Variants in RABL3 observed in about 807,000 individuals in gnomAD.
RABL3 encodes rab-like protein 3.
Under a neutral mutation model 31.8 loss-of-function variants are expected in RABL3, and 31 were observed. The ratio of observed to expected loss-of-function variants is 0.97; its 90% CI spans 0.73 to 1.31. The LOEUF (loss-of-function observed/expected upper bound fraction) is 1.31. Ranked by LOEUF, RABL3 falls within the 40% of genes most tolerant of loss-of-function variation. The pLI is 0.00. For synonymous variants in RABL3, 97 were observed against 99.9 expected (o/e 0.97, Z 0.18); for missense variants, 263 against 279.6 (o/e 0.94, Z 0.42).
intron 7 of RABL3, 87 bp from the exon 8 acceptor site, chr3:120,689,975 G>T: frequency 9.5e-7 from 1 of 1,053,378 alleles, no homozygotes; most frequent in Non-Finnish European, 1.4e-6. Context: ...TTCCATTTCT[G>T]TATGTCAGCC....
Position 120,706,015 on chromosome 3 carries a change from A to C in RABL3, c.368T>G (p.Val123Gly), listed in dbSNP as rs61758777. 119 of 1,609,672 alleles carry C rather than the reference A, an allele frequency of 7.4e-5. 1 individual carries two copies. The highest frequency in any genetic ancestry group is 1.0e-4 in the Admixed American group (6 of 59,990). The change falls in exon 4 of 8, where the codon GTC (valine) becomes GGC (glycine). Residue 123 changes from valine to glycine, a missense_variant. Physicochemically the swap from Val to Gly is moderately radical, Grantham distance 109. Transcript: ENST00000273375. ...ATTGGCTCACCCATTTGTCACCAAG[A>C]CTCCAGTTGGCACCAAATCCCTGTT... ...ALNRDLVPTGVLVTNGDYDQE... is the reference protein window; with the variant it reads ...ALNRDLVPTGGLVTNGDYDQE...
intron 1 of RABL3, among the ~76,000 whole-genome samples, chr3:120,731,099 G>A (rs531171063): frequency 6.9e-6 from 1 of 145,530 alleles, no homozygotes; most frequent in East Asian, 2.2e-4. Context: ...ACTGATACTG[G>A]TCCAGGGGTC....
At chr3:120,723,964 GAA>G in intron 2 of RABL3, among the ~76,000 whole-genome samples, 1 of 152,216 alleles carries the variant, frequency 6.6e-6, no homozygotes, top group East Asian at 1.9e-4. Context: ...TCAGGCAGGA[GAA>G]GGAAATAAAG....
At chr3:120,716,655 C>G (rs1708673688) in intron 2 of RABL3, among the ~76,000 whole-genome samples, 1 of 151,472 alleles carries the variant, frequency 6.6e-6, no homozygotes, top group Non-Finnish European at 1.5e-5. Flanking sequence ...AAAGAGGCAA[C>G]TGTTTCTAAG....
At position 120,685,975 on chromosome 3, in the gene RABL3, A is replaced by G. The variant is rs1309635347; in HGVS notation, c.*3848T>C. Among the ~76,000 whole-genome samples, 1 of 152,216 alleles carries G rather than the reference A, an allele frequency of 6.6e-6. No individual in the cohort carries two copies. Among genetic ancestry groups the G allele is most frequent in the African/African-American group, 2.4e-5 (1 of 41,460 alleles). On this transcript the variant is annotated 3_prime_UTR_variant, in exon 8 of 8. Coordinates refer to ENST00000273375, the MANE Select transcript of RABL3 (RefSeq NM_173825.5). The stretch of plus-strand genomic sequence containing the variant: ...TCAGAGTTTGAAAGCCCTCCATGTG[A>G]GTCCTTAATGGAGGTGCAGATTAAT...
Position 120,715,345 on chromosome 3 carries a change from C to T in RABL3, c.139-5436G>A, listed in dbSNP as rs553190875. 7.6e-4 allele frequency among the ~76,000 whole-genome samples: 115 copies of T among 152,192 alleles called. 1 individual carries two copies. The highest frequency in any genetic ancestry group is 2.7e-3 in the African/African-American group (111 of 41,512). ...CTTGAGGCCAGGAGTTTGAGACCAG[C>T]CTGGCCAACATGGCGAAACCTGTCT... On this transcript the variant is annotated intron_variant, in intron 2 of 7. Transcript: ENST00000273375.
intron 1 of RABL3, among the ~76,000 whole-genome samples, chr3:120,733,465 T>C (rs1416781758): frequency 6.6e-6 from 1 of 152,204 alleles, no homozygotes; most frequent in Admixed American, 6.5e-5. Flanking sequence ...ATTAGCCCTT[T>C]GTCAGATGAG....
At position 120,696,624 on chromosome 3, in the gene RABL3, CACACAT is replaced by C. The variant is rs1330367314; in HGVS notation, c.534+1793_534+1798del. ...ACACACACACACACACACACACACA[CACACAT>C]GCACGCGATTATCAGAGAAACCCAC... On this transcript the variant is annotated intron_variant, in intron 5 of 7. Transcript: ENST00000273375. Among the ~76,000 whole-genome samples, 54 of 129,150 alleles carry C rather than the reference CACACAT, an allele frequency of 4.2e-4. 2 individuals carry two copies. Among genetic ancestry groups the C allele is most frequent in the Admixed American group, 2.8e-3 (35 of 12,466 alleles). 84.7% of individuals were successfully genotyped at this position (129,150 alleles called of 152,430 possible). A position where few individuals can be genotyped will look rare whatever the true frequency, so the allele number is the denominator to read the frequency against.
chr3:120,700,947 TTAAA>T (rs1270966245), intron 4 of RABL3, among the ~76,000 whole-genome samples: 7 of 152,060 alleles, frequency 4.6e-5, no homozygotes, highest in African/African-American at 1.7e-4. Flanking sequence ...CCTAAATTGT[TTAAA>T]TATGGCTAAA....
intron 6 of RABL3, among the ~76,000 whole-genome samples, chr3:120,690,690 C>T (rs1373224654): frequency 2.0e-5 from 3 of 151,992 alleles, no homozygotes; most frequent in Admixed American, 2.0e-4. Flanking sequence ...CTGCCTCATT[C>T]CAAAACGCAT....
intron 1 of RABL3, among the ~76,000 whole-genome samples, chr3:120,740,490 G>A (rs1709028004): frequency 1.3e-5 from 2 of 152,110 alleles, no homozygotes; most frequent in Non-Finnish European, 2.9e-5. Flanking sequence ...GTCTTGAACT[G>A]AGCTCAAGCA....
Position 120,730,699 on chromosome 3 carries a change from G to A in RABL3, c.135C>T (p.Val45=). 2 of 1,607,166 alleles carry A rather than the reference G, an allele frequency of 1.2e-6. No homozygotes were observed. Among genetic ancestry groups the A allele is most frequent in the Non-Finnish European group, 1.7e-6 (2 of 1,175,044 alleles). ...CTAAAATATAAAAGACACATACTCT[G>A]ACATCCACTGAGCAGCCCACAGTCC... ...PSWTVGCSVD[V]RVHDYKEGTP... The change falls in exon 2 of 8, where the codon GTC becomes GTT. Residue 45 remains valine (V), a synonymous_variant. Coordinates refer to ENST00000273375, the MANE Select transcript of RABL3 (RefSeq NM_173825.5).
chr3:120,686,674 A>G lies in RABL3; in HGVS notation c.*3149T>C, dbSNP rs1387087749. 2 of 152,242 alleles carry G rather than the reference A, an allele frequency of 1.3e-5. No individual in the cohort carries two copies. Among genetic ancestry groups the G allele is most frequent in the Non-Finnish European group, 2.9e-5 (2 of 68,048 alleles). The allele number at this position is 152,242 out of a possible 1,614,324, so 9.4% of individuals were successfully genotyped here. On this transcript the variant is annotated 3_prime_UTR_variant, in exon 8 of 8. Coordinates refer to ENST00000273375, the MANE Select transcript of RABL3 (RefSeq NM_173825.5). ...TCACAAATGAGGCACCTATAACGAA[A>G]GACAGATTATTGAGAAAAGCACACA...
In RABL3 at chr3:120,689,574, T is replaced by G; in HGVS notation, c.*249A>C. 1 of 355,484 alleles carries G rather than the reference T, an allele frequency of 2.8e-6. No individual in the cohort carries two copies. The highest frequency in any genetic ancestry group is 4.2e-5 in the East Asian group (1 of 23,714). The allele number at this position is 355,484 out of a possible 1,614,324, so 22.0% of individuals were successfully genotyped here. ...TTTACTGCATCATTTTGACAACATCTCATATTTACACAAGGCTTTTACATA... is the reference window on the plus strand; with the variant it reads ...TTTACTGCATCATTTTGACAACATCGCATATTTACACAAGGCTTTTACATA... On this transcript the variant is annotated 3_prime_UTR_variant, in exon 8 of 8. Transcript: ENST00000273375.
chr3:120,734,956 T>C (rs1026775753), intron 1 of RABL3, among the ~76,000 whole-genome samples: 4 of 152,266 alleles, frequency 2.6e-5, no homozygotes, highest in African/African-American at 9.6e-5. Context: ...CAGTATTTTA[T>C]TGAGGATTTT....
chr3:120,724,417 A>C (rs550115778), intron 2 of RABL3, among the ~76,000 whole-genome samples: 20 of 152,332 alleles, frequency 1.3e-4, no homozygotes, highest in African/African-American at 4.3e-4. Context: ...TCAAGCTACC[A>C]ATGACTTTCT....
intron 2 of RABL3, among the ~76,000 whole-genome samples, chr3:120,721,499 G>GA (rs996200160): frequency 1.4e-4 from 21 of 149,960 alleles, no homozygotes; most frequent in South Asian, 2.1e-4. Flanking sequence ...TGAGCAAATG[G>GA]AAAACAAAAA....
At chr3:120,691,353 C>T (rs951965959) in intron 6 of RABL3, among the ~76,000 whole-genome samples, 11 of 152,128 alleles carry the variant, frequency 7.2e-5, no homozygotes, top group African/African-American at 1.4e-4. Context: ...GATGGCTTGA[C>T]TACGATTTTT....
intron 2 of RABL3, among the ~76,000 whole-genome samples, chr3:120,723,690 A>C (rs1708778371): frequency 6.6e-6 from 1 of 152,260 alleles, no homozygotes; most frequent in East Asian, 1.9e-4. Context: ...AGAACCAATG[A>C]CAAAAATCAC....
Sources: gnomAD v4.1 joint callset for allele counts (sites outside exome capture counted in the v4.1 genomes callset) on GRCh38, gnomAD v4.1.1 for gene constraint, MANE v1.5 for transcripts, NCBI Gene and HGNC (gene_info 2026-07-23, HGNC 2026-07-21) for gene names.